PC: variants seen among roughly 807,000 people sequenced by gnomAD.
PC encodes the protein pyruvate carboxylase.
PC carries 46 observed loss-of-function variants against 107.8 expected under a neutral mutation model. The observed-to-expected ratio is 0.43, with a 90% CI of 0.34 to 0.55. The LOEUF (loss-of-function observed/expected upper bound fraction) is 0.55. Among genes scored for constraint, PC ranks in the 20% least tolerant of loss-of-function variants. The probability of loss-of-function intolerance (pLI) is 0.04; values close to 1 mark genes in which losing one functional copy is unlikely to be tolerated. For synonymous variants in PC, 662 were observed against 684.7 expected (o/e 0.97, Z 0.52); for missense variants, 1,241 against 1,643.1 (o/e 0.76, Z 4.23).
intron 3 of PC, among the ~76,000 whole-genome samples, chr11:66,925,114 G>C (rs1475894477): frequency 6.6e-6 from 1 of 152,200 alleles, no homozygotes; most frequent in East Asian, 1.9e-4. Context: ...AAGGCAAATG[G>C]AGGCAGGGCG....
chr11:66,953,034 C>T (rs890002480), intron 2 of PC, among the ~76,000 whole-genome samples: 1 of 152,198 alleles, frequency 6.6e-6, no homozygotes. Context: ...CTAGGGAATA[C>T]CCAATGAGGC....
intron 3 of PC, among the ~76,000 whole-genome samples, chr11:66,922,566 A>AG (rs1948620758): frequency 6.6e-6 from 1 of 151,100 alleles, no homozygotes; most frequent in African/African-American, 2.4e-5. Flanking sequence ...AAAAAAAAAA[A>AG]AAAAAAAAAA....
chr11:66,881,013 G>A (rs529507455), intron 3 of PC, among the ~76,000 whole-genome samples: 1 of 152,228 alleles, frequency 6.6e-6, no homozygotes, highest in African/African-American at 2.4e-5. Flanking sequence ...CTGGGATGCT[G>A]CCAGGGCCAG....
chr11:66,891,209 A>C (rs983126992), intron 3 of PC, among the ~76,000 whole-genome samples: 2 of 151,860 alleles, frequency 1.3e-5, no homozygotes, highest in African/African-American at 4.8e-5. Context: ...GATGTGCGCC[A>C]ACATGCCCAA....
chr11:66,880,489 C>A (rs1236824521), intron 3 of PC, among the ~76,000 whole-genome samples: 1 of 152,190 alleles, frequency 6.6e-6, no homozygotes, highest in African/African-American at 2.4e-5. Flanking sequence ...TCGGAAGTGG[C>A]AGCAGAGGGT....
chr11:66,868,786 T>A, intron 10 of PC, 60 bp downstream of exon 10: 1 of 1,381,418 alleles, frequency 7.2e-7, no homozygotes, highest in South Asian at 1.2e-5. Context: ...CCACTTCGCC[T>A]GTACTTTATG....
chr11:66,891,113 G>A (rs1591235928), intron 3 of PC, among the ~76,000 whole-genome samples: 1 of 151,838 alleles, frequency 6.6e-6, no homozygotes, highest in Non-Finnish European at 1.5e-5. Context: ...CTTGAGTGCA[G>A]TGGCGCGATC....
chr11:66,853,982 T>C (rs1388189672), intron 12 of PC, among the ~76,000 whole-genome samples: 1 of 152,224 alleles, frequency 6.6e-6, no homozygotes, highest in Non-Finnish European at 1.5e-5. Context: ...GGGCCTTTCC[T>C]TGTTCACCCC....
At chr11:66,869,964 C>A (rs1049300182) in intron 9 of PC, among the ~76,000 whole-genome samples, 2 of 152,222 alleles carry the variant, frequency 1.3e-5, no homozygotes, top group African/African-American at 4.8e-5. Context: ...ACAGAATCCA[C>A]GGAATCTCAT....
At chr11:66,856,819 A>C (rs1945869769) in intron 12 of PC, 1 of 150,480 alleles carries the variant, frequency 6.6e-6, no homozygotes, top group Admixed American at 6.6e-5. Flanking sequence ...GCGGTGCAGG[A>C]TGCCGGGGCG....
rs1374866743 is a variant in PC, at chr11:66,940,217, G to A, written c.-1+12213C>T. Among the ~76,000 whole-genome samples, 3 of 83,848 alleles carry A rather than the reference G, an allele frequency of 3.6e-5. No homozygotes were observed. The East Asian group carries it at 1.0e-3, about 29-fold the overall frequency. The allele number at this position is 83,848 out of a possible 152,430, so 55.0% of individuals were successfully genotyped here. A position where few individuals can be genotyped will look rare whatever the true frequency, so the allele number is the denominator to read the frequency against. ...CCCAAAACTTTTTTTTTTTTTTTTT[G>A]AGACAGGGTCTCACTCTGTTGTCCA... On this transcript the variant is annotated intron_variant, in intron 3 of 22. Transcript: ENST00000393960.
intron 1 of PC, among the ~76,000 whole-genome samples, chr11:66,954,703 G>A (rs1949517426): frequency 1.3e-5 from 2 of 152,174 alleles, no homozygotes. Context: ...CCAGCACTTT[G>A]GGAGGCCAAG....
At chr11:66,912,706 AC>A (rs1948364752) in intron 3 of PC, among the ~76,000 whole-genome samples, 1 of 152,050 alleles carries the variant, frequency 6.6e-6, no homozygotes, top group Non-Finnish European at 1.5e-5. Context: ...CTGCTTCCCC[AC>A]TAGAGTGGGC....
chr11:66,876,910 T>C (rs891342575), intron 3 of PC, among the ~76,000 whole-genome samples: 1 of 152,180 alleles, frequency 6.6e-6, no homozygotes, highest in African/African-American at 2.4e-5. Flanking sequence ...CAAGTGGCTC[T>C]TGAACCCACG....
intron 3 of PC, among the ~76,000 whole-genome samples, chr11:66,874,968 T>C (rs150691643): frequency 4.0e-4 from 61 of 152,168 alleles, no homozygotes; most frequent in African/African-American, 1.4e-3. Flanking sequence ...GAAGAAGGGA[T>C]AGCAATTGTG....
In PC at chr11:66,866,485, T is replaced by C; in HGVS notation, c.1023-136A>G. 1 of 679,754 alleles carries C rather than the reference T, an allele frequency of 1.5e-6. No individual in the cohort carries two copies. The highest frequency in any genetic ancestry group is 2.3e-5 in the Admixed American group (1 of 43,218). The allele number at this position is 679,754 out of a possible 1,614,324, so 42.1% of individuals were successfully genotyped here. On this transcript the variant is annotated intron_variant, in intron 10 of 22. Coordinates refer to ENST00000393960, the MANE Select transcript of PC (RefSeq NM_001040716.2). This position sits in a 1 kb window ranked among gnomAD's most constrained non-coding sequence, Gnocchi z 5.4. ...CCTGCCCATAGGCTCTGGGCCAGCC[T>C]GAACAGCCGGTTCCTCCCAACCAGT... is the stretch of plus-strand genomic sequence containing the variant.
In PC at chr11:66,849,659, C is replaced by T. The variant is rs763088157; in HGVS notation, c.3099G>A (p.Leu1033=). ...GTCCCTGCAGGAAGAGGCGAGTATT[C>T]AGGCTATCCAGGGGGCCAAAGGTGG... ...FTATFGPLDS[L]NTRLFLQGPK... is the part of the protein sequence containing the mutation. The change falls in exon 21 of 23, where the codon CTG becomes CTA. Residue 1033 remains leucine, a synonymous_variant. Transcript: ENST00000393960. 2.5e-6 allele frequency: 4 copies of T among 1,614,206 alleles called. No homozygotes were observed. Among genetic ancestry groups the T allele is most frequent in the Non-Finnish European group, 3.4e-6 (4 of 1,180,040 alleles).
Position 66,913,468 on chromosome 11 carries a change from A to T in PC, c.-1+38962T>A, listed in dbSNP as rs563515084. Among the ~76,000 whole-genome samples the T allele has an allele frequency of 1.9e-3, 281 of 151,774 alleles. 1 individual carries two copies. Among genetic ancestry groups the T allele is most frequent in the African/African-American group, 6.6e-3 (273 of 41,388 alleles). On this transcript the variant is annotated intron_variant, in intron 3 of 22. Transcript: ENST00000393960. ...GGGAGGCTGAGGTGGGCGGAACACAAGGTCAGGAGTTTGAGACCAGCCTGA... is the reference window on the plus strand; with the variant it reads ...GGGAGGCTGAGGTGGGCGGAACACATGGTCAGGAGTTTGAGACCAGCCTGA...
At chr11:66,949,227 C>T (rs1207408409) in intron 3 of PC, among the ~76,000 whole-genome samples, 3 of 151,176 alleles carry the variant, frequency 2.0e-5, no homozygotes, top group East Asian at 2.0e-4. Flanking sequence ...CTCTTGACCT[C>T]GTGATCTGCC....
Sources: gnomAD v4.1 joint callset for allele counts (sites outside exome capture counted in the v4.1 genomes callset) on GRCh38, gnomAD v4.1.1 for gene constraint, Gnocchi (gnomAD v3.1) non-coding constraint, MANE v1.5 for transcripts, NCBI Gene and HGNC (gene_info 2026-07-23, HGNC 2026-07-21) for gene names.